The following ZNF431 variants were observed in gnomAD, a reference collection of about 807,000 sequenced individuals.
ZNF431 encodes zinc finger protein 431.
ZNF431 carries 34 observed loss-of-function variants against 57.0 expected under a neutral mutation model. The observed-to-expected ratio is 0.60, with a 90% CI of 0.45 to 0.79. The LOEUF (loss-of-function observed/expected upper bound fraction) is 0.79, where lower values mean the gene tolerates loss of function less well. ZNF431 is among the 30% of genes least tolerant of loss of function. ZNF431 has a pLI of 0.00. For missense variants in ZNF431, 607 were observed against 667.1 expected, an observed-to-expected ratio of 0.91 and a Z score of 0.99; for synonymous variants, 207 against 220.3, an observed-to-expected ratio of 0.94 and a Z score of 0.54.
Position 21,142,211 on chromosome 19 carries a change from C to A in ZNF431, c.3+25C>A, listed in dbSNP as rs762503920. 6 of 1,613,020 alleles carry A rather than the reference C, an allele frequency of 3.7e-6. No homozygotes were observed. In the East Asian group the frequency reaches 1.3e-4, roughly 36 times the overall value. On this transcript the variant is annotated intron_variant, in intron 1 of 4. Transcript: ENST00000311048. Reference sequence around the variant, plus strand: ...GGTGAGAGTGCCGGGTCGGACATCCCGAGAGAGGGGAAGGGCTGGTTGTAA... The same window carrying A: ...GGTGAGAGTGCCGGGTCGGACATCCAGAGAGAGGGGAAGGGCTGGTTGTAA...
At chr19:21,143,009 T>G (rs1267099914) in intron 1 of ZNF431, among the ~76,000 whole-genome samples, 1 of 152,142 alleles carries the variant, frequency 6.6e-6, no homozygotes, top group Non-Finnish European at 1.5e-5. Flanking sequence ...TTTTCACCTG[T>G]GTCCCAAGCA....
At position 21,192,784 on chromosome 19, in the gene ZNF431, C is replaced by T. The variant is rs1971533395; in HGVS notation, c.*8750C>T. 2 of 152,014 alleles carry T rather than the reference C, an allele frequency of 1.3e-5. No individual in the cohort carries two copies. Among genetic ancestry groups the T allele is most frequent in the Admixed American group, 1.3e-4 (2 of 15,254 alleles). 9.4% of individuals were successfully genotyped at this position (152,014 alleles called of 1,614,324 possible). On this transcript the variant is annotated 3_prime_UTR_variant, in exon 5 of 5. Coordinates refer to ENST00000311048, the MANE Select transcript of ZNF431 (RefSeq NM_133473.4). ...TTTGTTCTATACCTAATTTTTTCAGCGATTTATCATAAGGGAATGTCAAAT... is the reference window on the plus strand; with the variant it reads ...TTTGTTCTATACCTAATTTTTTCAGTGATTTATCATAAGGGAATGTCAAAT...
At chr19:21,175,520 A>G (rs775611559) in intron 4 of ZNF431, 4 of 673,578 alleles carry the variant, frequency 5.9e-6, no homozygotes, top group South Asian at 3.2e-5. Flanking sequence ...TGCTGCACCT[A>G]TTAACCTCTC....
At chr19:21,149,927 A>C (rs1311746080) in intron 2 of ZNF431, 2 of 604,154 alleles carry the variant, frequency 3.3e-6, no homozygotes, top group African/African-American at 3.7e-5. Context: ...TTTATGACAC[A>C]GGGCAGGCAA....
chr19:21,142,330 C>A, intron 1 of ZNF431, 144 bp downstream of exon 1: 6 of 1,139,416 alleles, frequency 5.3e-6, no homozygotes, highest in Non-Finnish European at 7.9e-6. Flanking sequence ...CGGCCTCAGT[C>A]CCCTCCAGCC....
chr19:21,143,914 T>G (rs1341457829), intron 2 of ZNF431, among the ~76,000 whole-genome samples: 1 of 149,922 alleles, frequency 6.7e-6, no homozygotes, highest in Non-Finnish European at 1.5e-5. Flanking sequence ...CTGACTCTAG[T>G]GAGATGGTGT....
At chr19:21,156,559 G>A (rs949110814) in intron 2 of ZNF431, among the ~76,000 whole-genome samples, 8 of 151,946 alleles carry the variant, frequency 5.3e-5, no homozygotes, top group South Asian at 2.1e-4. Context: ...AGTGTCTGTC[G>A]TTCCCTTCTT....
intron 2 of ZNF431, among the ~76,000 whole-genome samples, chr19:21,156,358 A>G (rs1568299969): frequency 6.8e-6 from 1 of 147,380 alleles, no homozygotes; most frequent in Non-Finnish European, 1.5e-5. Context: ...TTCCCCACGC[A>G]TGGATTTTTT....
intron 2 of ZNF431, chr19:21,150,188 C>T (rs1479952949): frequency 8.7e-6 from 5 of 575,416 alleles, no homozygotes; most frequent in Non-Finnish European, 1.3e-5. Flanking sequence ...GTGGTCCAGG[C>T]CCTGGGTGAA....
At chr19:21,166,884 A>G (rs1970734118) in intron 3 of ZNF431, among the ~76,000 whole-genome samples, 1 of 152,084 alleles carries the variant, frequency 6.6e-6, no homozygotes, top group Non-Finnish European at 1.5e-5. Context: ...TTTTTTTGAG[A>G]TGGAATCTCA....
At chr19:21,175,558 AG>A in intron 4 of ZNF431, 1 of 590,842 alleles carries the variant, frequency 1.7e-6, no homozygotes, top group South Asian at 2.1e-5. Context: ...TGCATGCATT[AG>A]CTATTTATCC....
Position 21,187,575 on chromosome 19 carries a change from T to C in ZNF431, c.*3541T>C, listed in dbSNP as rs1971406074. The C allele has an allele frequency of 6.6e-6, 1 of 151,310 alleles. No individual in the cohort carries two copies. Among genetic ancestry groups the C allele is most frequent in the South Asian group, 2.1e-4 (1 of 4,748 alleles). 9.4% of individuals were successfully genotyped at this position (151,310 alleles called of 1,614,324 possible). A position where few individuals can be genotyped will look rare whatever the true frequency, so the allele number is the denominator to read the frequency against. ...CAACATGGAGAAACTCCATCTCTAC[T>C]AAAAAATACAAAATTAGCCCGGTGT... is the stretch of plus-strand genomic sequence containing the variant. On this transcript the variant is annotated 3_prime_UTR_variant, in exon 5 of 5. Transcript: ENST00000311048.
intron 2 of ZNF431, among the ~76,000 whole-genome samples, chr19:21,165,581 T>C (rs1371090699): frequency 6.6e-6 from 1 of 152,226 alleles, no homozygotes; most frequent in East Asian, 1.9e-4. Context: ...TTTACTTGGT[T>C]AAAGAGCTCT....
In ZNF431 at chr19:21,184,271, A is replaced by G; in HGVS notation, c.*237A>G. ...AGGCTTAGGCAGGATAATCACTTGA[A>G]CCTGGGAGGTGGAAGTTGCAGTGAG... On this transcript the variant is annotated 3_prime_UTR_variant, in exon 5 of 5. Transcript: ENST00000311048. The G allele has an allele frequency of 2.9e-6, 1 of 345,178 alleles. No homozygotes were observed. The highest frequency in any genetic ancestry group is 5.2e-6 in the Non-Finnish European group (1 of 191,840). The allele number at this position is 345,178 out of a possible 1,614,324, so 21.4% of individuals were successfully genotyped here.
At chr19:21,153,935 C>G (rs1970347220) in intron 2 of ZNF431, among the ~76,000 whole-genome samples, 1 of 152,180 alleles carries the variant, frequency 6.6e-6, no homozygotes, top group Admixed American at 6.5e-5. Context: ...AGGCTGGTCT[C>G]AAACGCCCGA....
At chr19:21,161,269 T>C (rs867045198) in intron 2 of ZNF431, among the ~76,000 whole-genome samples, 7 of 152,208 alleles carry the variant, frequency 4.6e-5, no homozygotes, top group African/African-American at 1.2e-4. Context: ...TTAAGTATTG[T>C]ATGGTTAGTA....
Position 21,191,298 on chromosome 19 carries a change from C to A in ZNF431, c.*7264C>A, listed in dbSNP as rs866512066. On this transcript the variant is annotated 3_prime_UTR_variant, in exon 5 of 5. Transcript: ENST00000311048. Reference sequence around the variant, plus strand: ...TGAAATCCTGTCTCTACTAAAAATACAAATATTAGCCGGGCGTGGTTGCAC... The same window carrying A: ...TGAAATCCTGTCTCTACTAAAAATAAAAATATTAGCCGGGCGTGGTTGCAC... 9 of 152,148 alleles carry A rather than the reference C, an allele frequency of 5.9e-5. No homozygotes were observed. Among genetic ancestry groups the A allele is most frequent in the African/African-American group, 1.9e-4 (8 of 41,518 alleles). The allele number at this position is 152,148 out of a possible 1,614,324, so 9.4% of individuals were successfully genotyped here. A position where few individuals can be genotyped will look rare whatever the true frequency, so the allele number is the denominator to read the frequency against.
At chr19:21,165,003 G>T (rs553969990) in intron 2 of ZNF431, among the ~76,000 whole-genome samples, 5 of 151,064 alleles carry the variant, frequency 3.3e-5, no homozygotes, top group East Asian at 3.9e-4. Context: ...CTAGCTACTA[G>T]GAGGCTGAGG....
At chr19:21,180,018 T>C (rs1215081861) in intron 4 of ZNF431, among the ~76,000 whole-genome samples, 1 of 152,114 alleles carries the variant, frequency 6.6e-6, no homozygotes, top group Non-Finnish European at 1.5e-5. Flanking sequence ...TTTGAGTAGC[T>C]GGGATTACAG....
Sources: gnomAD v4.1 joint callset for allele counts (sites outside exome capture counted in the v4.1 genomes callset) on GRCh38, gnomAD v4.1.1 for gene constraint, MANE v1.5 for transcripts, NCBI Gene and HGNC (gene_info 2026-07-23, HGNC 2026-07-21) for gene names.